The following CPQ variants were observed in gnomAD, a reference collection of about 807,000 sequenced individuals.
CPQ encodes Ser-Met dipeptidase.
In CPQ, 37 loss-of-function variants were observed where a neutral mutation model predicts 45.7. The ratio of observed to expected loss-of-function variants is 0.81; its 90% CI spans 0.62 to 1.07. CPQ has a LOEUF of 1.07. Among genes scored for constraint, CPQ ranks in the 50% least tolerant of loss-of-function variants. CPQ has a pLI of 0.00. For synonymous variants in CPQ, 186 were observed against 205.8 expected (o/e 0.90, Z 0.82); for missense variants, 537 against 572.9 (o/e 0.94, Z 0.64).
chr8:96,718,416 G>A (rs945589506), intron 1 of CPQ, among the ~76,000 whole-genome samples: 4 of 152,066 alleles, frequency 2.6e-5, no homozygotes, highest in African/African-American at 7.2e-5. Flanking sequence ...AGACCTTCGC[G>A]GTGAGTGTTA....
chr8:96,655,101 T>G (rs916916278), intron 1 of CPQ, among the ~76,000 whole-genome samples: 8 of 152,184 alleles, frequency 5.3e-5, no homozygotes, highest in African/African-American at 1.9e-4. Flanking sequence ...CTTGGTGATT[T>G]TTTTTAATTC....
At chr8:96,953,564 T>G (rs1301561418) in intron 4 of CPQ, among the ~76,000 whole-genome samples, 4 of 152,100 alleles carry the variant, frequency 2.6e-5, no homozygotes, top group African/African-American at 7.2e-5. Context: ...ATCCTGTCAG[T>G]TCTTTTCTGA....
chr8:96,825,848 C>T (rs556417250), intron 2 of CPQ, among the ~76,000 whole-genome samples: 1 of 152,140 alleles, frequency 6.6e-6, no homozygotes, highest in South Asian at 2.1e-4. Context: ...GTTTGTTATA[C>T]CATTTTCATA....
intron 5 of CPQ, among the ~76,000 whole-genome samples, chr8:97,020,871 A>G (rs1216711422): frequency 6.6e-6 from 1 of 152,190 alleles, no homozygotes; most frequent in Admixed American, 6.5e-5. Context: ...AAATCATTCT[A>G]TAAAGCCAGT....
At position 96,809,769 on chromosome 8, in the gene CPQ, G is replaced by T. The variant is rs180794594; in HGVS notation, c.433+24439G>T. 1.2e-3 allele frequency among the ~76,000 whole-genome samples: 175 copies of T among 152,054 alleles called. 2 individuals are homozygous for T. The highest frequency in any genetic ancestry group is 4.0e-3 in the African/African-American group (166 of 41,460). On this transcript the variant is annotated intron_variant, in intron 2 of 7. Coordinates refer to ENST00000220763, the MANE Select transcript of CPQ (RefSeq NM_016134.4). ...TTATACTTCAAAAAAATGGAACTGGGTAAAAATAGTTCCCTCATGAAAAAA... is the reference window on the plus strand; with the variant it reads ...TTATACTTCAAAAAAATGGAACTGGTTAAAAATAGTTCCCTCATGAAAAAA...
rs146477524 is a variant in CPQ at position 96,770,131 on chromosome 8, G to A, written c.-34-14733G>A. ...TCAGGGACACAAAATGAGTTAGCCC[G>A]TGTTGCTGGGATGAGGAGGGATAGC... On this transcript the variant is annotated intron_variant, in intron 1 of 7. Coordinates refer to ENST00000220763, the MANE Select transcript of CPQ (RefSeq NM_016134.4). Among the ~76,000 whole-genome samples, 85 of 152,254 alleles carry A rather than the reference G, an allele frequency of 5.6e-4. No homozygotes were observed. The East Asian group carries it at 0.012, about 22-fold the overall frequency.
At chr8:97,084,381 C>T (rs1242502139) in intron 7 of CPQ, among the ~76,000 whole-genome samples, 3 of 152,030 alleles carry the variant, frequency 2.0e-5, no homozygotes, top group African/African-American at 7.2e-5. Flanking sequence ...TCTTCCTACC[C>T]CTCCCCCATC....
intron 1 of CPQ, among the ~76,000 whole-genome samples, chr8:96,721,303 A>G (rs941896638): frequency 6.6e-6 from 1 of 151,944 alleles, no homozygotes; most frequent in African/African-American, 2.4e-5. Flanking sequence ...CCTGGCACAA[A>G]GAGATGGGAA....
chr8:96,781,018 T>C (rs1161122001), intron 1 of CPQ, among the ~76,000 whole-genome samples: 1 of 152,182 alleles, frequency 6.6e-6, no homozygotes, highest in Non-Finnish European at 1.5e-5. Flanking sequence ...TGCTGGCTTA[T>C]TTTAGAATTT....
chr8:96,975,137 A>T (rs1418885721), intron 5 of CPQ, among the ~76,000 whole-genome samples: 1 of 152,154 alleles, frequency 6.6e-6, no homozygotes, highest in African/African-American at 2.4e-5. Context: ...AGATACAAAT[A>T]TGCTCAATTA....
chr8:96,999,619 T>G (rs1809236034), intron 5 of CPQ, among the ~76,000 whole-genome samples: 1 of 152,108 alleles, frequency 6.6e-6, no homozygotes, highest in African/African-American at 2.4e-5. Context: ...ATGTACCACA[T>G]TTTCTTTATC....
At chr8:96,998,769 A>G (rs928003667) in intron 5 of CPQ, among the ~76,000 whole-genome samples, 1 of 151,924 alleles carries the variant, frequency 6.6e-6, no homozygotes, top group African/African-American at 2.4e-5. Flanking sequence ...ACTTTCTTCT[A>G]TGTTGATTTA....
chr8:96,908,351 T>G (rs559980591), intron 4 of CPQ, among the ~76,000 whole-genome samples: 74 of 152,312 alleles, frequency 4.9e-4, no homozygotes, highest in African/African-American at 1.0e-3. Context: ...GCCACTCTCC[T>G]GCAATGCATC....
chr8:96,762,371 G>A (rs1810415927), intron 1 of CPQ, among the ~76,000 whole-genome samples: 1 of 152,136 alleles, frequency 6.6e-6, no homozygotes, highest in Non-Finnish European at 1.5e-5. Context: ...CTGTGTGAAT[G>A]TAAATAATAC....
intron 4 of CPQ, among the ~76,000 whole-genome samples, chr8:96,881,567 A>C (rs1346080373): frequency 6.6e-6 from 1 of 152,230 alleles, no homozygotes; most frequent in Non-Finnish European, 1.5e-5. Context: ...AATCATATGA[A>C]GTTTCTTCAT....
chr8:96,777,751 TATATA>T (rs1810630627), intron 1 of CPQ, among the ~76,000 whole-genome samples: 3 of 13,820 alleles, frequency 2.2e-4, no homozygotes, highest in African/African-American at 8.6e-4. Context: ...TATATATATA[TATATA>T]TATATTTTTT....
At chr8:97,094,257 A>C (rs554139010) in intron 7 of CPQ, among the ~76,000 whole-genome samples, 1 of 152,302 alleles carries the variant, frequency 6.6e-6, no homozygotes, top group Non-Finnish European at 1.5e-5. Context: ...TGCAGGTTAC[A>C]CTGTCTATCT....
At chr8:97,020,471 C>A (rs1024273605) in intron 5 of CPQ, among the ~76,000 whole-genome samples, 2 of 151,838 alleles carry the variant, frequency 1.3e-5, no homozygotes, top group African/African-American at 4.8e-5. Flanking sequence ...AATTGATAGA[C>A]CATTAGCAAG....
intron 1 of CPQ, among the ~76,000 whole-genome samples, chr8:96,784,116 G>A (rs553161577): frequency 5.3e-5 from 8 of 152,216 alleles, no homozygotes; most frequent in Non-Finnish European, 8.8e-5. Flanking sequence ...GCATTAATGA[G>A]TGTAGCATAC....
Sources: allele counts gnomAD v4.1 joint callset (sites outside exome capture counted in the v4.1 genomes callset), GRCh38; gene constraint gnomAD v4.1.1; transcripts MANE v1.5; gene names NCBI Gene and HGNC (gene_info 2026-07-23, HGNC 2026-07-21).